The following CHST11 variants were observed in gnomAD, a reference collection of about 807,000 sequenced individuals.
CHST11 encodes the protein C4S-1.
CHST11 carries 9 observed loss-of-function variants against 30.4 expected under a neutral mutation model. That is an observed-to-expected ratio of 0.30 (90% CI 0.18 to 0.52). The LOEUF is 0.52. CHST11 is among the 20% of genes least tolerant of loss of function. The pLI, the probability that CHST11 is intolerant of heterozygous loss-of-function variation, is 0.97. For missense variants in CHST11, 348 were observed against 460.6 expected (o/e 0.76, Z 2.24); for synonymous variants, 152 against 187.8 (o/e 0.81, Z 1.56).
chr12:104,723,309 C>G (rs369507204), intron 2 of CHST11, among the ~76,000 whole-genome samples: 7 of 152,138 alleles, frequency 4.6e-5, no homozygotes, highest in African/African-American at 7.2e-5. Flanking sequence ...CCGACTTGCC[C>G]GGGATCACAC....
intron 1 of CHST11, among the ~76,000 whole-genome samples, chr12:104,580,723 C>G (rs1009997158): frequency 6.6e-6 from 1 of 152,152 alleles, no homozygotes; most frequent in Non-Finnish European, 1.5e-5. Flanking sequence ...TCTTCTGAGG[C>G]TCCATACTTC....
chr12:104,497,258 T>C (rs2135971780), intron 1 of CHST11, among the ~76,000 whole-genome samples: 1 of 152,320 alleles, frequency 6.6e-6, no homozygotes, highest in Non-Finnish European at 1.5e-5. Context: ...GTCATTAGGA[T>C]GGGCCCTAAT....
At chr12:104,628,558 G>A (rs768666080) in intron 2 of CHST11, among the ~76,000 whole-genome samples, 12 of 152,106 alleles carry the variant, frequency 7.9e-5, no homozygotes, top group Admixed American at 3.3e-4. Flanking sequence ...GTTGAATTCC[G>A]CTGACAGAAG....
intron 2 of CHST11, among the ~76,000 whole-genome samples, chr12:104,665,928 T>C (rs2039638264): frequency 6.8e-6 from 1 of 147,308 alleles, no homozygotes; most frequent in Admixed American, 6.8e-5. Flanking sequence ...GAAGTGATTC[T>C]CCTGCCTCAG....
chr12:104,484,271 A>G (rs1157842548), intron 1 of CHST11, among the ~76,000 whole-genome samples: 4 of 152,162 alleles, frequency 2.6e-5, no homozygotes, highest in Admixed American at 1.3e-4. Context: ...TTGGCTTGAG[A>G]TCACAAATGG....
At chr12:104,493,571 A>G (rs2037771139) in intron 1 of CHST11, among the ~76,000 whole-genome samples, 1 of 152,220 alleles carries the variant, frequency 6.6e-6, no homozygotes, top group Non-Finnish European at 1.5e-5. Flanking sequence ...CAAATGCCTC[A>G]GAAGTGGGAA....
chr12:104,579,312 G>A (rs1288536820), intron 1 of CHST11, among the ~76,000 whole-genome samples: 1 of 152,172 alleles, frequency 6.6e-6, no homozygotes, highest in Non-Finnish European at 1.5e-5. Flanking sequence ...ATTTACCTGG[G>A]TTGAAGTCTT....
At chr12:104,692,329 C>T (rs889127277) in intron 2 of CHST11, among the ~76,000 whole-genome samples, 1 of 152,212 alleles carries the variant, frequency 6.6e-6, no homozygotes, top group Non-Finnish European at 1.5e-5. Flanking sequence ...GACTGCCTAC[C>T]ACCTTCAAGA....
At position 104,497,181 on chromosome 12, in the gene CHST11, C is replaced by A. The variant is rs138066928; in HGVS notation, c.118+39652C>A. On this transcript the variant is annotated intron_variant, in intron 1 of 2. Coordinates refer to ENST00000303694, the MANE Select transcript of CHST11 (RefSeq NM_018413.6). ...AGTTCATATGTTGAAGACCTAACCC[C>A]CAGTACCTCAAAATGTCACTACATG... 1.3e-3 allele frequency among the ~76,000 whole-genome samples: 192 copies of A among 152,306 alleles called. 1 individual carries two copies. Among genetic ancestry groups the A allele is most frequent in the African/African-American group, 4.5e-3 (188 of 41,556 alleles).
chr12:104,460,387 G>A (rs1485201078), intron 1 of CHST11, among the ~76,000 whole-genome samples: 1 of 152,172 alleles, frequency 6.6e-6, no homozygotes, highest in Admixed American at 6.5e-5. Context: ...AGGAAGGCAG[G>A]GCGCGGTGGC....
chr12:104,458,519 CG>C lies in CHST11; in HGVS notation c.118+991del, dbSNP rs2135946161. ...GGTTCTGGAGAGGGAGGGGCGCCCT[CG>C]AGCGCGGCGGCCGGGGGTGAGCAGC... is the stretch of plus-strand genomic sequence containing the variant. On this transcript the variant is annotated intron_variant, in intron 1 of 2. Coordinates refer to ENST00000303694, the MANE Select transcript of CHST11 (RefSeq NM_018413.6). This position sits in a 1 kb window ranked among gnomAD's most constrained non-coding sequence, Gnocchi z 5.7. Among the ~76,000 whole-genome samples, 1 of 152,292 alleles carries C rather than the reference CG, an allele frequency of 6.6e-6. No individual in the cohort carries two copies. The highest frequency in any genetic ancestry group is 1.9e-4 in the East Asian group (1 of 5,148).
intron 1 of CHST11, among the ~76,000 whole-genome samples, chr12:104,472,480 A>G (rs2037520638): frequency 6.6e-6 from 1 of 152,196 alleles, no homozygotes; most frequent in South Asian, 2.1e-4. Flanking sequence ...CGCTATCTGA[A>G]GCTTGATTGT....
chr12:104,590,178 A>G (rs979259870), intron 1 of CHST11, among the ~76,000 whole-genome samples: 7 of 152,100 alleles, frequency 4.6e-5, no homozygotes, highest in Non-Finnish European at 1.0e-4. Flanking sequence ...GATGGCCTGC[A>G]CGTGCGCTGT....
At chr12:104,581,120 A>G (rs2038739132) in intron 1 of CHST11, among the ~76,000 whole-genome samples, 2 of 152,284 alleles carry the variant, frequency 1.3e-5, no homozygotes, top group South Asian at 4.1e-4. Context: ...TACTTCTCCC[A>G]TCAGCCTTTT....
chr12:104,552,269 T>A (rs186094680), intron 1 of CHST11: 2 of 152,544 alleles, frequency 1.3e-5, no homozygotes, highest in African/African-American at 4.8e-5. Context: ...TTTGCCCAGA[T>A]GTTCTTCCTC....
intron 2 of CHST11, among the ~76,000 whole-genome samples, chr12:104,620,736 G>T (rs1191674786): frequency 6.6e-6 from 1 of 152,154 alleles, no homozygotes; most frequent in Non-Finnish European, 1.5e-5. Context: ...TTCATTGTTT[G>T]TTGTGTCAGA....
At chr12:104,740,178 G>A (rs1328270438) in intron 2 of CHST11, among the ~76,000 whole-genome samples, 1 of 152,152 alleles carries the variant, frequency 6.6e-6, no homozygotes, top group Non-Finnish European at 1.5e-5. Flanking sequence ...AATGAGCTCT[G>A]AAATCAGGCC....
chr12:104,483,897 G>A (rs1274372637), intron 1 of CHST11, among the ~76,000 whole-genome samples: 1 of 152,162 alleles, frequency 6.6e-6, no homozygotes, highest in African/African-American at 2.4e-5. Context: ...AGGCAAAGGT[G>A]GGGACGTAGT....
At chr12:104,530,280 AATC>A (rs1405195440) in intron 1 of CHST11, among the ~76,000 whole-genome samples, 1 of 152,174 alleles carries the variant, frequency 6.6e-6, no homozygotes, top group Non-Finnish European at 1.5e-5. Flanking sequence ...CCATCATTAT[AATC>A]ATCATGATCA....
Sources: allele counts gnomAD v4.1 joint callset (sites outside exome capture counted in the v4.1 genomes callset), GRCh38; gene constraint gnomAD v4.1.1; non-coding constraint Gnocchi (gnomAD v3.1); transcripts MANE v1.5; gene names NCBI Gene and HGNC (gene_info 2026-07-23, HGNC 2026-07-21).